The following SLC35F1 variants were observed in gnomAD, a reference collection of about 807,000 sequenced individuals.
SLC35F1 encodes the protein chromosome 6 open reading frame 169.
SLC35F1 carries 14 observed loss-of-function variants against 48.7 expected under a neutral mutation model. The observed-to-expected ratio is 0.29, with a 90% CI of 0.19 to 0.45. The LOEUF (loss-of-function observed/expected upper bound fraction) is 0.45, where lower values mean the gene tolerates loss of function less well. Ranked by LOEUF, SLC35F1 falls within the 20% of genes least tolerant of loss-of-function variation. SLC35F1 has a pLI of 1.00. For synonymous variants in SLC35F1, 190 were observed against 202.2 expected, an observed-to-expected ratio of 0.94 and a Z score of 0.51; for missense variants, 404 against 500.0, an observed-to-expected ratio of 0.81 and a Z score of 1.83.
rs887148497 is a variant in SLC35F1 at position 118,018,372 on chromosome 6, G to GA, written c.173+110482dup. 5.4e-5 allele frequency among the ~76,000 whole-genome samples: 8 copies of GA among 146,912 alleles called. No individual in the cohort carries two copies. The East Asian group carries it at 1.2e-3, about 22-fold the overall frequency. ...GATGACACAGAAAGACTCTGTCTCG[G>GA]AAAAAAAAAGAAAAAAGAAAAAAAG... On this transcript the variant is annotated intron_variant, in intron 1 of 7. Transcript: ENST00000360388.
intron 1 of SLC35F1, among the ~76,000 whole-genome samples, chr6:118,062,983 G>T (rs1772562772): frequency 6.6e-6 from 1 of 151,900 alleles, no homozygotes; most frequent in Non-Finnish European, 1.5e-5. Flanking sequence ...GAATTTTGGG[G>T]GTATGTTATA....
chr6:117,962,438 T>G (rs1473830042), intron 1 of SLC35F1, among the ~76,000 whole-genome samples: 1 of 152,240 alleles, frequency 6.6e-6, no homozygotes, highest in African/African-American at 2.4e-5. Context: ...AATGACTCCC[T>G]CCTTGCTTTT....
intron 1 of SLC35F1, among the ~76,000 whole-genome samples, chr6:118,141,062 C>T (rs1281930524): frequency 2.0e-5 from 3 of 152,022 alleles, no homozygotes; most frequent in African/African-American, 7.2e-5. Context: ...TTTAGTACAG[C>T]CTAAGTTTAT....
chr6:118,192,099 G>C (rs939817705), intron 2 of SLC35F1, among the ~76,000 whole-genome samples: 1 of 152,106 alleles, frequency 6.6e-6, no homozygotes, highest in Non-Finnish European at 1.5e-5. Context: ...TCTTGAATAC[G>C]AGTTGTTATT....
chr6:118,288,490 G>T, intron 7 of SLC35F1, among the ~76,000 whole-genome samples: 1 of 152,202 alleles, frequency 6.6e-6, no homozygotes, highest in Admixed American at 6.5e-5. Flanking sequence ...CTGATCAGCA[G>T]TTGGTTGAAA....
At chr6:118,198,908 A>C (rs1455804629) in intron 2 of SLC35F1, among the ~76,000 whole-genome samples, 2 of 152,166 alleles carry the variant, frequency 1.3e-5, no homozygotes, top group African/African-American at 4.8e-5. Context: ...GATAGAGAAC[A>C]CTCTCACAGC....
intron 2 of SLC35F1, among the ~76,000 whole-genome samples, chr6:118,181,307 A>C (rs1774575535): frequency 6.6e-6 from 1 of 152,150 alleles, no homozygotes; most frequent in African/African-American, 2.4e-5. Flanking sequence ...AACCATAGGC[A>C]AGAACAGTAT....
intron 1 of SLC35F1, among the ~76,000 whole-genome samples, chr6:118,105,574 C>A (rs572893722): frequency 6.6e-6 from 1 of 152,220 alleles, no homozygotes; most frequent in East Asian, 1.9e-4. Flanking sequence ...GATCTTTCTA[C>A]GCATTGCCCA....
intron 1 of SLC35F1, among the ~76,000 whole-genome samples, chr6:117,933,832 G>C (rs887971040): frequency 3.3e-5 from 5 of 152,064 alleles, no homozygotes; most frequent in Non-Finnish European, 5.9e-5. Context: ...TAAACTGCTA[G>C]TGCACTTTCT....
chr6:118,245,273 C>T lies in SLC35F1; in HGVS notation c.477+9637C>T, dbSNP rs1221494046. Among the ~76,000 whole-genome samples, 12 of 152,298 alleles carry T rather than the reference C, an allele frequency of 7.9e-5. No homozygotes were observed. In the South Asian group the frequency reaches 2.5e-3, roughly 32 times the overall value. On this transcript the variant is annotated intron_variant, in intron 3 of 7. Transcript: ENST00000360388. The stretch of plus-strand genomic sequence containing the variant: ...CTGACTAAATGTAAAACTTGCCAAT[C>T]CCTTCTAGTTTAAAAACTCTCTTTG...
intron 1 of SLC35F1, among the ~76,000 whole-genome samples, chr6:118,096,203 T>C (rs1773174269): frequency 6.6e-6 from 1 of 152,164 alleles, no homozygotes; most frequent in African/African-American, 2.4e-5. Flanking sequence ...TAGCTAATAT[T>C]AAATAAATAC....
At chr6:118,202,103 G>T (rs1367221853) in intron 2 of SLC35F1, among the ~76,000 whole-genome samples, 1 of 152,082 alleles carries the variant, frequency 6.6e-6, no homozygotes, top group African/African-American at 2.4e-5. Context: ...GGTTTTCATT[G>T]GTATGTTTTC....
chr6:117,995,509 G>A (rs1227465452), intron 1 of SLC35F1, among the ~76,000 whole-genome samples: 4 of 152,140 alleles, frequency 2.6e-5, no homozygotes, highest in African/African-American at 7.2e-5. Context: ...TTAGGAGGCC[G>A]AGGCGGGCGG....
chr6:118,192,952 A>T (rs1464326366), intron 2 of SLC35F1, among the ~76,000 whole-genome samples: 4 of 152,176 alleles, frequency 2.6e-5, no homozygotes, highest in African/African-American at 9.7e-5. Flanking sequence ...GGTTGCCATA[A>T]GTCATTCATT....
At chr6:118,074,045 A>G (rs1167416524) in intron 1 of SLC35F1, among the ~76,000 whole-genome samples, 4 of 152,142 alleles carry the variant, frequency 2.6e-5, no homozygotes, top group Non-Finnish European at 5.9e-5. Flanking sequence ...GCTTTTCCCT[A>G]TAGACTATAT....
intron 1 of SLC35F1, among the ~76,000 whole-genome samples, chr6:118,041,945 T>A (rs913297326): frequency 4.8e-5 from 7 of 146,868 alleles, no homozygotes; most frequent in East Asian, 2.0e-4. Context: ...CCATCTTCTT[T>A]AAAAAAAAAA....
chr6:118,152,190 A>G (rs886312871), intron 1 of SLC35F1, among the ~76,000 whole-genome samples: 1 of 152,222 alleles, frequency 6.6e-6, no homozygotes. Context: ...CAAAGGCGCA[A>G]TGAACTTTTT....
At chr6:118,184,449 C>T (rs934178279) in intron 2 of SLC35F1, among the ~76,000 whole-genome samples, 4 of 152,136 alleles carry the variant, frequency 2.6e-5, no homozygotes, top group African/African-American at 9.7e-5. Context: ...ACCAAGATAC[C>T]ATCCAACTTC....
At chr6:118,228,075 C>T (rs1775240976) in intron 2 of SLC35F1, among the ~76,000 whole-genome samples, 2 of 152,286 alleles carry the variant, frequency 1.3e-5, no homozygotes, top group South Asian at 4.1e-4. Context: ...CCGTTTGTTA[C>T]TAAGCCAAAA....
Sources: gnomAD v4.1 joint callset for allele counts (sites outside exome capture counted in the v4.1 genomes callset) on GRCh38, gnomAD v4.1.1 for gene constraint, MANE v1.5 for transcripts, NCBI Gene and HGNC (gene_info 2026-07-23, HGNC 2026-07-21) for gene names.